PTPN21: variants seen among roughly 807,000 people sequenced by gnomAD.
PTPN21 encodes protein tyrosine phosphatase non-receptor type 21.
PTPN21 carries 77 observed loss-of-function variants against 131.8 expected under a neutral mutation model. That is an observed-to-expected ratio of 0.58 (90% CI 0.49 to 0.71). PTPN21 has a LOEUF of 0.71. Among genes scored for constraint, PTPN21 ranks in the 30% least tolerant of loss-of-function variants. The pLI is 0.00. For synonymous variants in PTPN21, 715 were observed against 621.3 expected (o/e 1.15, Z -2.24); for missense variants, 1,552 against 1,527.1 (o/e 1.02, Z -0.27).
At chr14:88,501,921 G>C (rs59136503) in intron 6 of PTPN21, among the ~76,000 whole-genome samples, 2 of 151,654 alleles carry the variant, frequency 1.3e-5, no homozygotes, top group Non-Finnish European at 2.9e-5. Flanking sequence ...GGAGTTCAAG[G>C]ATGCAGTGAG....
At chr14:88,471,244 AACC>A (rs2077461947) in intron 15 of PTPN21, among the ~76,000 whole-genome samples, 1 of 152,180 alleles carries the variant, frequency 6.6e-6, no homozygotes, top group South Asian at 2.1e-4. Flanking sequence ...TAAAGAAAAA[AACC>A]ACCACCTGTC....
intron 3 of PTPN21, among the ~76,000 whole-genome samples, chr14:88,510,399 T>C (rs1191143179): frequency 5.9e-5 from 9 of 152,216 alleles, no homozygotes; most frequent in Admixed American, 2.0e-4. Context: ...TATTTAATAA[T>C]AGTTACCTTT....
rs201242678 is a variant in PTPN21, at chr14:88,479,877, G to A, written c.1554C>T (p.Phe518=). 3.3e-4 allele frequency: 516 copies of A among 1,581,966 alleles called. 1 individual carries two copies. The highest frequency in any genetic ancestry group is 4.2e-4 in the Non-Finnish European group (495 of 1,167,900). The change falls in exon 13 of 19, where the codon TTC becomes TTT. Residue 518 remains phenylalanine, a synonymous_variant. Coordinates refer to ENST00000556564, the MANE Select transcript of PTPN21 (RefSeq NM_007039.4). ...AHCPFSLSYS[F]HSPSPYPYPA... ...GGTAGGGGTAGGGAGACGGGCTGTG[G>A]AAGCTGTAGCTCAGGCTGAACGGGC...
At chr14:88,553,007 G>A (rs528175001) in intron 1 of PTPN21, among the ~76,000 whole-genome samples, 2 of 152,194 alleles carry the variant, frequency 1.3e-5, no homozygotes, top group Admixed American at 1.3e-4. Flanking sequence ...TATTGCATAT[G>A]TGTAGAGGAA....
chr14:88,478,747 T>C (rs1033377543), intron 13 of PTPN21, among the ~76,000 whole-genome samples, 173 bp downstream of exon 13: 1 of 152,208 alleles, frequency 6.6e-6, no homozygotes, highest in African/African-American at 2.4e-5. Context: ...TGGATCCCCA[T>C]GATTTCCATA....
chr14:88,514,891 T>C (rs1290791494), intron 3 of PTPN21: 1 of 152,194 alleles, frequency 6.6e-6, no homozygotes, highest in African/African-American at 2.4e-5. Flanking sequence ...TATATATCCA[T>C]GAAACCATCA....
chr14:88,486,865 A>G (rs2077741349), intron 10 of PTPN21, among the ~76,000 whole-genome samples: 1 of 151,286 alleles, frequency 6.6e-6, no homozygotes, highest in Non-Finnish European at 1.5e-5. Flanking sequence ...AATCCCAGCT[A>G]CTCGGGAGTC....
intron 12 of PTPN21, among the ~76,000 whole-genome samples, chr14:88,481,231 TTAAG>T (rs1430034264): frequency 1.3e-5 from 2 of 152,216 alleles, no homozygotes; most frequent in East Asian, 3.8e-4. Flanking sequence ...ATGGTGATAC[TTAAG>T]TAATACACCA....
rs79578827 is a variant in PTPN21 at position 88,487,111 on chromosome 14, C to T, written c.933-1269G>A. Among the ~76,000 whole-genome samples, 610 of 150,680 alleles carry T rather than the reference C, an allele frequency of 4.0e-3. 7 individuals carry two copies. Among genetic ancestry groups the T allele is most frequent in the African/African-American group, 0.014 (556 of 40,916 alleles). Reference sequence around the variant, plus strand: ...AAAACAATAAGGTAAAAAAAGGAAACAGACACAGAAAAGCCCATTTGTAAC... The same window carrying T: ...AAAACAATAAGGTAAAAAAAGGAAATAGACACAGAAAAGCCCATTTGTAAC... On this transcript the variant is annotated intron_variant, in intron 10 of 18. Coordinates refer to ENST00000556564, the MANE Select transcript of PTPN21 (RefSeq NM_007039.4).
chr14:88,519,321 T>C (rs1338096392), intron 2 of PTPN21, among the ~76,000 whole-genome samples: 1 of 152,202 alleles, frequency 6.6e-6, no homozygotes, highest in East Asian at 1.9e-4. Context: ...CAGAACTTAG[T>C]GTGATGATGG....
chr14:88,468,079 CTTTTT>C lies in PTPN21; in HGVS notation c.*53_*57del. 6.4e-7 allele frequency: 1 copy of C among 1,564,876 alleles called. No homozygotes were observed. The highest frequency in any genetic ancestry group is 8.7e-7 in the Non-Finnish European group (1 of 1,142,990). On this transcript the variant is annotated 3_prime_UTR_variant, in exon 19 of 19. Transcript: ENST00000556564. ...CGGGAAAGTATGAGTTAGGCAAGCGCTTTTTTTTTAAGCTGTAAACGCTTCACATG... is the reference window on the plus strand; with the variant it reads ...CGGGAAAGTATGAGTTAGGCAAGCGCTTTTAAGCTGTAAACGCTTCACATG...
At position 88,482,142 on chromosome 14, in the gene PTPN21, G is replaced by A. The variant is rs546628058; in HGVS notation, c.1079-1790C>T. The stretch of plus-strand genomic sequence containing the variant: ...CGGTCTGCATGGCAGCATGTGAACG[G>A]AAGGGTGCATGGGGTAAGGGCACCT... On this transcript the variant is annotated intron_variant, in intron 12 of 18. Transcript: ENST00000556564. Among the ~76,000 whole-genome samples the A allele has an allele frequency of 1.8e-3, 279 of 152,330 alleles. 1 individual carries two copies. The highest frequency in any genetic ancestry group is 6.5e-3 in the African/African-American group (269 of 41,578).
At chr14:88,517,860 T>TA (rs1342647926) in intron 2 of PTPN21, among the ~76,000 whole-genome samples, 6 of 147,006 alleles carry the variant, frequency 4.1e-5, no homozygotes, top group African/African-American at 7.5e-5. Flanking sequence ...GGTATATATA[T>TA]GTGTATATGT....
chr14:88,484,786 G>T (rs969070449), intron 12 of PTPN21, among the ~76,000 whole-genome samples: 3 of 152,190 alleles, frequency 2.0e-5, no homozygotes, highest in African/African-American at 7.2e-5. Flanking sequence ...TACTTGGGAA[G>T]CTGAGGCACA....
chr14:88,485,144 T>C lies in PTPN21; in HGVS notation c.1010A>G (p.Tyr337Cys). Residue 337 changes from tyrosine (Y) to cysteine (C), a missense_variant, in exon 12 of 19, where the codon TAC (tyrosine) becomes TGC (cysteine). This residue lies in a region of PTPN21 where 1,016 missense variants were observed against 883.5 expected (regional missense o/e 1.15). Coordinates refer to ENST00000556564, the MANE Select transcript of PTPN21 (RefSeq NM_007039.4). ...CAACTGCGGTGGGGGAGGCATCACG[T>C]AGGGCTGGGGTTTAGGCTAAGAAAT... The part of the protein sequence containing the change: ...SRMSLPKPQP[Y>C]VMPPPPQLHY... 1.2e-6 allele frequency: 2 copies of C among 1,602,688 alleles called. No homozygotes were observed. The highest frequency in any genetic ancestry group is 1.1e-5 in the South Asian group (1 of 90,072).
intron 3 of PTPN21, among the ~76,000 whole-genome samples, chr14:88,514,629 A>G (rs1185941417): frequency 6.6e-6 from 1 of 151,568 alleles, no homozygotes; most frequent in Non-Finnish European, 1.5e-5. Context: ...CACACCTGAC[A>G]TATTTTGTAT....
intron 4 of PTPN21, 70 bp downstream of exon 4, chr14:88,507,851 AAT>A (rs2078116182): frequency 3.3e-6 from 3 of 899,642 alleles, no homozygotes; most frequent in South Asian, 3.7e-5. Context: ...ATAACTTAAA[AAT>A]CCCTTGCTAT....
rs1452082253 is a variant in PTPN21, at chr14:88,508,134, C to A, written c.351-114G>T. 12 of 546,992 alleles carry A rather than the reference C, an allele frequency of 2.2e-5. No individual in the cohort carries two copies. The Admixed American group carries it at 4.3e-4, about 20-fold the overall frequency. 33.9% of individuals were successfully genotyped at this position (546,992 alleles called of 1,614,324 possible). A position where few individuals can be genotyped will look rare whatever the true frequency, so the allele number is the denominator to read the frequency against. On this transcript the variant is annotated intron_variant, in intron 3 of 18. Transcript: ENST00000556564. ...AAACCAGTGAAATAAAACCTTAATC[C>A]CACATGGTTGTGTGTGTTTTTTTTT...
At chr14:88,489,558 G>A (rs2077790721) in intron 10 of PTPN21, among the ~76,000 whole-genome samples, 1 of 152,130 alleles carries the variant, frequency 6.6e-6, no homozygotes, top group Non-Finnish European at 1.5e-5. Flanking sequence ...GCTGAGGCCA[G>A]TGGATCCCTT....
Sources: gnomAD v4.1 joint callset for allele counts (sites outside exome capture counted in the v4.1 genomes callset) on GRCh38, gnomAD v4.1.1 for gene constraint, gnomAD v4.1.1 regional missense constraint, MANE v1.5 for transcripts, NCBI Gene and HGNC (gene_info 2026-07-23, HGNC 2026-07-21) for gene names.